Variants in RNF111 observed in about 807,000 individuals in gnomAD.
RNF111 encodes E3 ubiquitin-protein ligase Arkadia.
RNF111 carries 17 observed loss-of-function variants against 95.1 expected under a neutral mutation model. That is an observed-to-expected ratio of 0.18 (90% confidence interval 0.12 to 0.27). The LOEUF is 0.27. Among genes scored for constraint, RNF111 ranks in the 10% least tolerant of loss-of-function variants. The pLI is 1.00. For synonymous variants in RNF111, 440 were observed against 414.8 expected (o/e 1.06, Z -0.74); for missense variants, 1,189 against 1,210.4 (o/e 0.98, Z 0.26).
At chr15:59,058,658 T>G in intron 5 of RNF111, 108 bp downstream of exon 5, 1 of 961,626 alleles carries the variant, frequency 1.0e-6, no homozygotes, top group South Asian at 1.4e-5. Flanking sequence ...GCGGGTATTC[T>G]TACATTATAA....
intron 2 of RNF111, among the ~76,000 whole-genome samples, chr15:59,043,005 G>A (rs1245895780): frequency 1.3e-5 from 2 of 152,078 alleles, no homozygotes; most frequent in African/African-American, 4.8e-5. Context: ...TTGTATTCCA[G>A]AATATGGGAT....
At chr15:59,058,270 A>T (rs577230651) in intron 4 of RNF111, 86 bp from the exon 5 acceptor site, 3 of 1,058,810 alleles carry the variant, frequency 2.8e-6, no homozygotes, top group Non-Finnish European at 4.1e-6. Context: ...TTTATTTATT[A>T]ATTATAAACA....
intron 1 of RNF111, among the ~76,000 whole-genome samples, chr15:58,997,250 C>G (rs144726768): frequency 1.0e-3 from 158 of 152,224 alleles, no homozygotes; most frequent in African/African-American, 3.5e-3. Flanking sequence ...TTTATATGTG[C>G]ATCCAGAGTA....
intron 2 of RNF111, among the ~76,000 whole-genome samples, chr15:59,051,495 G>T (rs1298180101): frequency 6.7e-6 from 1 of 149,892 alleles, no homozygotes; most frequent in East Asian, 2.0e-4. Flanking sequence ...ACAAATTTTG[G>T]CTGGGTGCAG....
At chr15:59,025,133 C>T (rs1455049097) in intron 1 of RNF111, among the ~76,000 whole-genome samples, 1 of 152,260 alleles carries the variant, frequency 6.6e-6, no homozygotes, top group Non-Finnish European at 1.5e-5. Flanking sequence ...GATCCGCCCT[C>T]CTCCGCCTCC....
chr15:59,092,360 T>G (rs182552926), intron 12 of RNF111, among the ~76,000 whole-genome samples, 177 bp from the exon 13 acceptor site: 79 of 152,374 alleles, frequency 5.2e-4, no homozygotes, highest in African/African-American at 1.9e-3. Flanking sequence ...AAAAATATAC[T>G]TAATTGATGA....
At chr15:59,016,059 A>G (rs1343272737) in intron 1 of RNF111, among the ~76,000 whole-genome samples, 4 of 150,828 alleles carry the variant, frequency 2.7e-5, no homozygotes, top group Non-Finnish European at 5.9e-5. Context: ...CCATGTTTTG[A>G]CCTCCTAGCT....
intron 6 of RNF111, 115 bp downstream of exon 6, chr15:59,067,198 A>G (rs1434049059): frequency 9.4e-6 from 7 of 746,582 alleles, no homozygotes; most frequent in Non-Finnish European, 1.1e-5. Context: ...CCCTCCCTCC[A>G]TTTCTCTCCC....
At chr15:59,024,076 C>T (rs1331172744) in intron 1 of RNF111, among the ~76,000 whole-genome samples, 3 of 151,992 alleles carry the variant, frequency 2.0e-5, no homozygotes, top group African/African-American at 7.2e-5. Context: ...CTGATTATCC[C>T]CAGTTATATG....
At chr15:59,087,774 C>A (rs771088096) in intron 10 of RNF111, among the ~76,000 whole-genome samples, 1 of 151,932 alleles carries the variant, frequency 6.6e-6, no homozygotes, top group South Asian at 2.1e-4. Flanking sequence ...GTAAGCAGAC[C>A]CATGCAGTTC....
intron 1 of RNF111, among the ~76,000 whole-genome samples, chr15:59,026,994 T>C (rs1270703560): frequency 2.6e-5 from 4 of 152,050 alleles, no homozygotes; most frequent in South Asian, 2.1e-4. Context: ...CCATAAAGAG[T>C]TGATTGCATT....
intron 7 of RNF111, among the ~76,000 whole-genome samples, 200 bp downstream of exon 7, chr15:59,076,415 T>C (rs1363953988): frequency 6.6e-6 from 1 of 152,248 alleles, no homozygotes; most frequent in East Asian, 1.9e-4. Flanking sequence ...AGATTTGTTC[T>C]TTAGTATAGC....
At chr15:59,083,571 C>T (rs756394620) in intron 8 of RNF111, among the ~76,000 whole-genome samples, 6 of 151,554 alleles carry the variant, frequency 4.0e-5, no homozygotes, top group African/African-American at 9.7e-5. Context: ...GCTAAATACA[C>T]GTTTCCTAGG....
intron 12 of RNF111, 148 bp downstream of exon 12, chr15:59,091,302 A>G: frequency 2.1e-6 from 1 of 483,924 alleles, no homozygotes; most frequent in Non-Finnish European, 3.7e-6. Context: ...AGTATAAAAA[A>G]TATATACTTT....
At chr15:59,075,848 A>G (rs1384425375) in intron 6 of RNF111, 106 bp from the exon 7 acceptor site, 3 of 1,246,882 alleles carry the variant, frequency 2.4e-6, no homozygotes, top group Non-Finnish European at 1.1e-6. Context: ...TTTCAAACTA[A>G]TTTAAAGATT....
chr15:59,038,788 A>G (rs992486549), intron 2 of RNF111, among the ~76,000 whole-genome samples: 1 of 152,174 alleles, frequency 6.6e-6, no homozygotes, highest in Non-Finnish European at 1.5e-5. Context: ...TAGTTCCGGC[A>G]GTACTTTGTT....
chr15:59,041,843 T>C (rs1447095892), intron 2 of RNF111, among the ~76,000 whole-genome samples: 1 of 152,142 alleles, frequency 6.6e-6, no homozygotes, highest in African/African-American at 2.4e-5. Flanking sequence ...AAATAGTATG[T>C]CAGTACATTT....
chr15:59,053,663 T>A (rs148732193), intron 3 of RNF111, among the ~76,000 whole-genome samples: 196 of 152,286 alleles, frequency 1.3e-3, no homozygotes, highest in African/African-American at 4.6e-3. Context: ...ACCACACCTA[T>A]CCTCTGACCG....
intron 11 of RNF111, among the ~76,000 whole-genome samples, chr15:59,090,786 G>A (rs2079031465): frequency 6.6e-6 from 1 of 152,138 alleles, no homozygotes; most frequent in African/African-American, 2.4e-5. Flanking sequence ...AGTCAGGCAT[G>A]GTGGCTCACA....
Sources: allele counts gnomAD v4.1 joint callset (sites outside exome capture counted in the v4.1 genomes callset), GRCh38; gene constraint gnomAD v4.1.1; transcripts MANE v1.5; gene names NCBI Gene and HGNC (gene_info 2026-07-23, HGNC 2026-07-21).